Variants in CCDC171 observed in about 807,000 individuals in gnomAD.
CCDC171 encodes the protein coiled-coil domain-containing protein 171.
A neutral mutation model predicts 168.2 loss-of-function variants in CCDC171; 177 were observed. That is an observed-to-expected ratio of 1.05 (90% CI 0.93 to 1.19). The LOEUF (loss-of-function observed/expected upper bound fraction) is 1.19, where lower values mean the gene tolerates loss of function less well. CCDC171 is among the 50% of genes most tolerant of loss of function. The pLI is 0.00. For synonymous variants in CCDC171, 687 were observed against 540.8 expected, an observed-to-expected ratio of 1.27 and a Z score of -3.75; for missense variants, 1,991 against 1,539.0, an observed-to-expected ratio of 1.29 and a Z score of -4.91.
intron 25 of CCDC171, among the ~76,000 whole-genome samples, chr9:15,938,767 C>T (rs906349461): frequency 6.6e-6 from 1 of 151,914 alleles, no homozygotes; most frequent in Admixed American, 6.6e-5. Context: ...GTTTGCCTGA[C>T]ACCAACTGGA....
At chr9:15,566,597 A>G (rs2039750319) in intron 2 of CCDC171, among the ~76,000 whole-genome samples, 1 of 152,182 alleles carries the variant, frequency 6.6e-6, no homozygotes, top group Non-Finnish European at 1.5e-5. Flanking sequence ...TATGATATGC[A>G]AACATTTTTC....
intron 2 of CCDC171, among the ~76,000 whole-genome samples, chr9:15,569,185 C>T (rs2039998956): frequency 6.6e-6 from 1 of 152,186 alleles, no homozygotes; most frequent in South Asian, 2.1e-4. Context: ...TCGGAATCCG[C>T]CTATTTCCAT....
In CCDC171 at chr9:15,591,345, C is replaced by G. The variant is rs138368090; in HGVS notation, c.353-21C>G. 9.0e-5 allele frequency: 132 copies of G among 1,460,588 alleles called. 1 individual carries two copies. The African/African-American group carries it at 1.7e-3, about 18-fold the overall frequency. 90.5% of individuals were successfully genotyped at this position (1,460,588 alleles called of 1,614,324 possible). A position where few individuals can be genotyped will look rare whatever the true frequency, so the allele number is the denominator to read the frequency against. ...ATTTAATTCATGGTTGTAAATGTAC[C>G]TATTATTCTATTCTTAATAGCACAG... On this transcript the variant is annotated intron_variant, in intron 4 of 25. Coordinates refer to ENST00000380701, the MANE Select transcript of CCDC171 (RefSeq NM_173550.4).
chr9:15,691,546 T>TTTATA (rs1554762229), intron 10 of CCDC171, among the ~76,000 whole-genome samples: 1 of 106,406 alleles, frequency 9.4e-6, no homozygotes, highest in Non-Finnish European at 1.8e-5. Flanking sequence ...TATATGTTTT[T>TTTATA]TATATATATA....
chr9:16,094,489 G>C, the CCDC171 span, among the ~76,000 whole-genome samples: 1 of 152,190 alleles, frequency 6.6e-6, no homozygotes, highest in South Asian at 2.1e-4. Context: ...TCCAGGCCCA[G>C]CAGAACCTGA....
rs1833207925 is a variant in CCDC171, at chr9:16,023,147, G to A, written n.998+239G>A. Among the ~76,000 whole-genome samples, 3 of 152,090 alleles carry A rather than the reference G, an allele frequency of 2.0e-5. No homozygotes were observed. The South Asian group carries it at 6.2e-4, about 32-fold the overall frequency. On this transcript the variant is annotated intron_variant and non_coding_transcript_variant, in intron 6 of 9. Transcript: ENST00000486641. ...CTCACTCTGTCGCCCAGGCTGGAGTGCAGTGGCGCGATCGGGTTCATTGTA... is the reference window on the plus strand; with the variant it reads ...CTCACTCTGTCGCCCAGGCTGGAGTACAGTGGCGCGATCGGGTTCATTGTA...
At chr9:15,938,034 A>G (rs1018371157) in intron 25 of CCDC171, among the ~76,000 whole-genome samples, 61 of 152,060 alleles carry the variant, frequency 4.0e-4, no homozygotes, top group African/African-American at 1.4e-3. Flanking sequence ...TAATCTAAAT[A>G]ATATCAGTAA....
At chr9:16,044,920 T>G (rs539681399) in intron 1 of CCDC171, among the ~76,000 whole-genome samples, 21 of 152,332 alleles carry the variant, frequency 1.4e-4, no homozygotes, top group African/African-American at 4.3e-4. Flanking sequence ...GGCTTCAAAC[T>G]CTTCTCAAGG....
At position 15,589,147 on chromosome 9, in the gene CCDC171, ACTT is replaced by A. The variant is rs375178410; in HGVS notation, c.353-2212_353-2210del. On this transcript the variant is annotated intron_variant, in intron 4 of 25. Coordinates refer to ENST00000380701, the MANE Select transcript of CCDC171 (RefSeq NM_173550.4). The stretch of plus-strand genomic sequence containing the variant: ...CACGTTTCCCTTCTAGTTTTGAGAG[ACTT>A]CTTCTTGGCTTCCAGGAGGAGAGAT... 4.7e-4 allele frequency among the ~76,000 whole-genome samples: 72 copies of A among 151,998 alleles called. 1 individual carries two copies. The highest frequency in any genetic ancestry group is 1.6e-3 in the African/African-American group (67 of 41,462).
chr9:15,771,468 C>G (rs1054765280), intron 18 of CCDC171, among the ~76,000 whole-genome samples: 2 of 151,876 alleles, frequency 1.3e-5, no homozygotes, highest in African/African-American at 2.4e-5. Flanking sequence ...TGTTATAAGC[C>G]CATTCATATT....
chr9:15,823,551 C>T (rs921513348), intron 21 of CCDC171, among the ~76,000 whole-genome samples: 7 of 151,938 alleles, frequency 4.6e-5, no homozygotes, highest in African/African-American at 1.7e-4. Flanking sequence ...ACAGTCACAA[C>T]ATGTTAAGAT....
At chr9:16,006,897 T>C (rs952404366) in intron 3 of CCDC171, among the ~76,000 whole-genome samples, 3 of 152,216 alleles carry the variant, frequency 2.0e-5, no homozygotes, top group African/African-American at 7.2e-5. Context: ...AACATACGTG[T>C]GCATGTGTCT....
At chr9:15,599,733 C>T (rs892724311) in intron 6 of CCDC171, among the ~76,000 whole-genome samples, 3 of 152,164 alleles carry the variant, frequency 2.0e-5, no homozygotes, top group South Asian at 2.1e-4. Context: ...GGATAATATC[C>T]TGCAGAGTGT....
downstream of CCDC171, among the ~76,000 whole-genome samples, chr9:15,975,465 A>G (rs1216491160): frequency 6.6e-6 from 1 of 152,202 alleles, no homozygotes; most frequent in African/African-American, 2.4e-5. Context: ...TGAATTGATT[A>G]GACAAAACAA....
chr9:15,672,619 G>A (rs1044507357), intron 9 of CCDC171, among the ~76,000 whole-genome samples: 6 of 151,990 alleles, frequency 3.9e-5, no homozygotes, highest in East Asian at 1.9e-4. Flanking sequence ...TCCTTTCCCC[G>A]TTTCTTGTTT....
At chr9:16,070,107 C>A in the CCDC171 span, among the ~76,000 whole-genome samples, 1 of 152,196 alleles carries the variant, frequency 6.6e-6, no homozygotes. Context: ...AGCCGTGTAG[C>A]TTTAAACTCC....
intron 24 of CCDC171, among the ~76,000 whole-genome samples, chr9:15,889,693 T>C (rs143885692): frequency 4.6e-5 from 7 of 152,316 alleles, no homozygotes; most frequent in Admixed American, 2.0e-4. Context: ...TCCCACTTTA[T>C]GTACTGAAAG....
At chr9:15,859,223 C>A (rs1197628168) in intron 23 of CCDC171, among the ~76,000 whole-genome samples, 1 of 152,002 alleles carries the variant, frequency 6.6e-6, no homozygotes, top group Non-Finnish European at 1.5e-5. Flanking sequence ...ATTCTTACAT[C>A]CCAGGGATAA....
At chr9:15,674,628 A>G (rs1423523714) in intron 9 of CCDC171, among the ~76,000 whole-genome samples, 1 of 152,162 alleles carries the variant, frequency 6.6e-6, no homozygotes, top group Non-Finnish European at 1.5e-5. Flanking sequence ...CTGAGTAGTC[A>G]TTTAGGAGCA....
Sources: allele counts gnomAD v4.1 joint callset (sites outside exome capture counted in the v4.1 genomes callset), GRCh38; gene constraint gnomAD v4.1.1; transcripts MANE v1.5; gene names NCBI Gene and HGNC (gene_info 2026-07-23, HGNC 2026-07-21).